The following TMEM135 variants were observed in gnomAD, a reference collection of about 807,000 sequenced individuals.
TMEM135 encodes the protein transmembrane protein 135.
In TMEM135, 30 loss-of-function variants were observed where a neutral mutation model predicts 60.3. That is an observed-to-expected ratio of 0.50 (90% CI 0.37 to 0.68). The LOEUF is 0.68. TMEM135 is among the 30% of genes least tolerant of loss of function. The pLI is 0.00. For missense variants in TMEM135, 468 were observed against 548.8 expected (o/e 0.85, Z 1.47); for synonymous variants, 190 against 186.7 (o/e 1.02, Z -0.14).
intron 6 of TMEM135, among the ~76,000 whole-genome samples, chr11:87,280,047 T>G (rs541047365): frequency 4.0e-4 from 61 of 152,364 alleles, no homozygotes; most frequent in African/African-American, 1.4e-3. Flanking sequence ...GTTGTAATTT[T>G]GAAGGTTATT....
intron 1 of TMEM135, among the ~76,000 whole-genome samples, chr11:87,040,397 G>A (rs11827294): frequency 6.6e-6 from 1 of 152,148 alleles, no homozygotes; most frequent in South Asian, 2.1e-4. Context: ...AGTGGCTCAC[G>A]CCCATAATCC....
At chr11:87,269,175 T>C (rs1449435659) in intron 6 of TMEM135, among the ~76,000 whole-genome samples, 2 of 151,510 alleles carry the variant, frequency 1.3e-5, no homozygotes, top group East Asian at 1.9e-4. Context: ...GCTACAGATA[T>C]AAGCTTAGAG....
At chr11:87,203,068 G>C (rs928834156) in intron 5 of TMEM135, among the ~76,000 whole-genome samples, 3 of 138,474 alleles carry the variant, frequency 2.2e-5, no homozygotes, top group Non-Finnish European at 3.1e-5. Context: ...AGCAGTTTTA[G>C]TTTATGAGCA....
At chr11:87,049,902 C>T (rs1324697706) in intron 1 of TMEM135, among the ~76,000 whole-genome samples, 1 of 108,050 alleles carries the variant, frequency 9.3e-6, no homozygotes, top group Non-Finnish European at 1.8e-5. Flanking sequence ...CCAAAATTGA[C>T]CACATAGTTG....
intron 4 of TMEM135, among the ~76,000 whole-genome samples, chr11:87,100,360 T>C (rs1857429539): frequency 1.3e-5 from 2 of 152,224 alleles, no homozygotes; most frequent in African/African-American, 4.8e-5. Flanking sequence ...GTATAACTTT[T>C]ACTACATGAA....
intron 1 of TMEM135, among the ~76,000 whole-genome samples, chr11:87,050,494 TC>T (rs1949831651): frequency 1.6e-5 from 1 of 61,850 alleles, no homozygotes; most frequent in Non-Finnish European, 2.6e-5. Context: ...TCACCACCGA[TC>T]CCACAGAAAT....
chr11:87,179,046 G>A (rs548076), intron 5 of TMEM135, among the ~76,000 whole-genome samples: 9,413 of 152,200 alleles, frequency 0.062, 405 homozygotes, highest in South Asian at 0.12. Flanking sequence ...CATTTGGTAT[G>A]ATCAGACTAT....
At chr11:87,083,651 A>G (rs570476512) in intron 3 of TMEM135, among the ~76,000 whole-genome samples, 1 of 152,306 alleles carries the variant, frequency 6.6e-6, no homozygotes, top group East Asian at 1.9e-4. Flanking sequence ...TTTCATTGGC[A>G]TGTTAACTTC....
intron 5 of TMEM135, among the ~76,000 whole-genome samples, chr11:87,194,763 G>A (rs567806573): frequency 2.0e-5 from 3 of 152,228 alleles, no homozygotes; most frequent in African/African-American, 4.8e-5. Context: ...ATAGAGAAGG[G>A]AAAACCTAAC....
intron 3 of TMEM135, among the ~76,000 whole-genome samples, chr11:87,090,240 A>T (rs1268241857): frequency 6.6e-6 from 1 of 152,148 alleles, no homozygotes; most frequent in Non-Finnish European, 1.5e-5. Context: ...TGTTAAAAAA[A>T]GTAGATTTAA....
At chr11:87,276,978 T>A (rs10898653) in intron 6 of TMEM135, among the ~76,000 whole-genome samples, 55,640 of 151,360 alleles carry the variant, frequency 0.37, 10,859 homozygotes, top group Non-Finnish European at 0.43. Flanking sequence ...GGCTTTTTTT[T>A]AAAAAATAAT....
intron 8 of TMEM135, among the ~76,000 whole-genome samples, chr11:87,303,014 C>A (rs995772222): frequency 4.0e-5 from 6 of 150,940 alleles, no homozygotes; most frequent in Non-Finnish European, 8.9e-5. Flanking sequence ...CCAATAAAAT[C>A]TTGGTAGTGA....
At chr11:87,200,768 C>T (rs1001964203) in intron 5 of TMEM135, among the ~76,000 whole-genome samples, 86 of 152,138 alleles carry the variant, frequency 5.7e-4, no homozygotes, top group African/African-American at 1.9e-3. Context: ...TCCTGTTATC[C>T]ATTGAGCCTT....
chr11:87,115,076 A>T (rs756860503), intron 4 of TMEM135, among the ~76,000 whole-genome samples: 29 of 152,202 alleles, frequency 1.9e-4, no homozygotes, highest in Non-Finnish European at 7.4e-5. Context: ...GAGAAGCTCT[A>T]GTCAAAGATG....
At chr11:87,124,126 T>C (rs527415085) in intron 4 of TMEM135, among the ~76,000 whole-genome samples, 8 of 152,316 alleles carry the variant, frequency 5.3e-5, no homozygotes, top group African/African-American at 1.7e-4. Context: ...ACATGAGCAA[T>C]GTTTCACGTC....
intron 3 of TMEM135, among the ~76,000 whole-genome samples, chr11:87,082,751 T>C (rs951734549): frequency 6.6e-6 from 1 of 152,220 alleles, no homozygotes; most frequent in Non-Finnish European, 1.5e-5. Context: ...GTTCAGTCTT[T>C]AAATTTAATG....
intron 1 of TMEM135, among the ~76,000 whole-genome samples, chr11:87,053,290 G>A (rs1259790753): frequency 1.3e-5 from 1 of 74,494 alleles, no homozygotes; most frequent in East Asian, 8.5e-4. Flanking sequence ...TTGTGCATAA[G>A]CAATATATAT....
intron 5 of TMEM135, among the ~76,000 whole-genome samples, chr11:87,167,015 C>A (rs1471633324): frequency 6.6e-6 from 1 of 152,076 alleles, no homozygotes; most frequent in Admixed American, 6.6e-5. Context: ...TTGAAGAGGT[C>A]CTTCTTATCC....
intron 5 of TMEM135, among the ~76,000 whole-genome samples, chr11:87,203,822 T>A (rs1591101445): frequency 1.3e-5 from 2 of 152,208 alleles, no homozygotes; most frequent in Admixed American, 6.5e-5. Context: ...AGTATTTCCA[T>A]CAGCAATGAA....
Sources: allele counts gnomAD v4.1 joint callset (sites outside exome capture counted in the v4.1 genomes callset), GRCh38; gene constraint gnomAD v4.1.1; transcripts MANE v1.5; gene names NCBI Gene and HGNC (gene_info 2026-07-23, HGNC 2026-07-21).